KCNT1: variants seen among roughly 807,000 people sequenced by gnomAD.
The protein encoded by KCNT1 is potassium channel subfamily T member 1.
KCNT1 carries 78 observed loss-of-function variants against 147.8 expected under a neutral mutation model. The observed-to-expected ratio is 0.53, with a 90% CI of 0.44 to 0.64. The LOEUF is 0.64. Among genes scored for constraint, KCNT1 ranks in the 30% least tolerant of loss-of-function variants. The probability of loss-of-function intolerance (pLI) is 0.00; values close to 1 mark genes in which losing one functional copy is unlikely to be tolerated. For missense variants in KCNT1, 1,419 were observed against 1,750.3 expected (o/e 0.81, Z 3.38); for synonymous variants, 867 against 748.8 (o/e 1.16, Z -2.58).
At chr9:135,731,991 TAG>T (rs1189149987) in intron 2 of KCNT1, among the ~76,000 whole-genome samples, 217 of 21,490 alleles carry the variant, frequency 0.01, 1 homozygote, top group Middle Eastern at 0.031. Flanking sequence ...TATATATATA[TAG>T]AGAGAGAGAG....
chr9:135,779,239 AC>A (rs376408628), intron 23 of KCNT1, 119 bp from the exon 24 acceptor site: 23 of 338,616 alleles, frequency 6.8e-5, no homozygotes, highest in South Asian at 2.1e-4. Context: ...CTGCCCTGAG[AC>A]CCCCCCACAG....
intron 24 of KCNT1, among the ~76,000 whole-genome samples, chr9:135,780,322 T>C (rs1210191219): frequency 2.6e-5 from 4 of 152,174 alleles, no homozygotes; most frequent in Non-Finnish European, 5.9e-5. Flanking sequence ...GGCGAGCTGC[T>C]GGGACCTGCG....
At chr9:135,725,470 AG>A (rs1160165189) in intron 2 of KCNT1, among the ~76,000 whole-genome samples, 1 of 152,238 alleles carries the variant, frequency 6.6e-6, no homozygotes. Context: ...CGCTACCACG[AG>A]CCCAGGGCCA....
intron 24 of KCNT1, among the ~76,000 whole-genome samples, chr9:135,780,773 G>A (rs1217266239): frequency 6.6e-5 from 10 of 152,236 alleles, no homozygotes; most frequent in African/African-American, 1.2e-4. Flanking sequence ...CTGGAACCAC[G>A]GAAGGGGAGG....
intron 2 of KCNT1, among the ~76,000 whole-genome samples, chr9:135,748,215 C>T (rs1021595845): frequency 6.6e-6 from 1 of 152,016 alleles, no homozygotes; most frequent in East Asian, 1.9e-4. Flanking sequence ...ATTATGGGCA[C>T]GAGCCACTGT....
intron 2 of KCNT1, among the ~76,000 whole-genome samples, chr9:135,715,031 C>G (rs1835666329): frequency 6.6e-6 from 1 of 152,206 alleles, no homozygotes; most frequent in Admixed American, 6.5e-5. Flanking sequence ...CCCAGCACCC[C>G]AGTTTTTCTG....
At position 135,716,671 on chromosome 9, in the gene KCNT1, G is replaced by T. The variant is rs141654139; in HGVS notation, c.254+1951G>T. On this transcript the variant is annotated intron_variant, in intron 2 of 30. Coordinates refer to ENST00000371757, the MANE Select transcript of KCNT1 (RefSeq NM_020822.3). ...GGTCTTGGCGTGCTGTGCCCACTGG[G>T]CACATGGGTTGTGTGCCGATGGTAT... is the stretch of plus-strand genomic sequence containing the variant. 9.6e-3 allele frequency among the ~76,000 whole-genome samples: 1,465 copies of T among 152,310 alleles called. 8 individuals carry two copies. Among genetic ancestry groups the T allele is most frequent in the Middle Eastern group, 0.034 (10 of 294 alleles).
chr9:135,773,342 TG>T (rs1328626621), intron 19 of KCNT1, among the ~76,000 whole-genome samples: 1 of 152,188 alleles, frequency 6.6e-6, no homozygotes, highest in Non-Finnish European at 1.5e-5. Context: ...GGCCACTCTC[TG>T]AATCAGGATG....
chr9:135,727,824 G>A (rs1390687819), intron 2 of KCNT1, among the ~76,000 whole-genome samples: 1 of 152,222 alleles, frequency 6.6e-6, no homozygotes, highest in Non-Finnish European at 1.5e-5. Context: ...TCTCAGAGCA[G>A]CCGAAGGATG....
rs997450507 is a variant in KCNT1, at chr9:135,764,975, G to A, written c.1036-56G>A. 2.6e-5 allele frequency: 41 copies of A among 1,551,236 alleles called. No individual in the cohort carries two copies. The Admixed American group carries it at 3.3e-4, about 13-fold the overall frequency. ...TGTGTCAGGGCCCAGGTTCTTCACCGGGAGCCCTCGCTCCCCAGGCCTGGT... is the reference window on the plus strand; with the variant it reads ...TGTGTCAGGGCCCAGGTTCTTCACCAGGAGCCCTCGCTCCCCAGGCCTGGT... On this transcript the variant is annotated intron_variant, in intron 11 of 30. Transcript: ENST00000371757.
chr9:135,762,764 A>G (rs1831999139), intron 11 of KCNT1, among the ~76,000 whole-genome samples: 1 of 152,140 alleles, frequency 6.6e-6, no homozygotes, highest in Non-Finnish European at 1.5e-5. Context: ...CCATCTTAAA[A>G]CAAACAAGAC....
chr9:135,787,100 G>C (rs1016039922), intron 29 of KCNT1, among the ~76,000 whole-genome samples: 2 of 152,188 alleles, frequency 1.3e-5, no homozygotes, highest in Non-Finnish European at 2.9e-5. Context: ...GAGACTTTGG[G>C]GGAACAGTTG....
chr9:135,784,808 C>T lies in KCNT1; in HGVS notation c.3075C>T (p.Leu1025=). 1 of 1,612,878 alleles carries T rather than the reference C, an allele frequency of 6.2e-7. No individual in the cohort carries two copies. Among genetic ancestry groups the T allele is most frequent in the Non-Finnish European group, 8.5e-7 (1 of 1,179,996 alleles). The change falls in exon 27 of 31, where the codon CTC becomes CTT. Residue 1025 remains leucine, a synonymous_variant. Coordinates refer to ENST00000371757, the MANE Select transcript of KCNT1 (RefSeq NM_020822.3). ...GDLWIRTYGR[L]FQKLCSSSAE... The stretch of plus-strand genomic sequence containing the variant: ...TGTGGATCCGCACGTACGGCCGCCT[C>T]TTCCAGAAGCTCTGCTCCTCCAGCG...
At chr9:135,767,310 G>A (rs1054435076) in intron 13 of KCNT1, among the ~76,000 whole-genome samples, 1 of 152,214 alleles carries the variant, frequency 6.6e-6, no homozygotes, top group Admixed American at 6.5e-5. Context: ...CAGCCAGGCA[G>A]GGATGAGCCC....
At chr9:135,726,915 C>T (rs1398361675) in intron 2 of KCNT1, among the ~76,000 whole-genome samples, 9 of 117,684 alleles carry the variant, frequency 7.6e-5, no homozygotes, top group Admixed American at 1.7e-4. Context: ...TTCTCTCTCT[C>T]TCCCTCTCTC....
intron 15 of KCNT1, 29 bp downstream of exon 15, chr9:135,768,966 T>G: frequency 6.4e-7 from 1 of 1,556,754 alleles, no homozygotes; most frequent in Non-Finnish European, 8.8e-7. Flanking sequence ...TGGGTGATGG[T>G]GTATCTGGGG....
At chr9:135,778,400 C>G in intron 21 of KCNT1, 24 bp from the exon 22 acceptor site, 1 of 1,548,710 alleles carries the variant, frequency 6.5e-7, no homozygotes. Flanking sequence ...AGGGTGGGCC[C>G]CTCCAGGACC....
At chr9:135,718,860 C>T (rs1419500093) in intron 2 of KCNT1, among the ~76,000 whole-genome samples, 1 of 152,236 alleles carries the variant, frequency 6.6e-6, no homozygotes, top group Non-Finnish European at 1.5e-5. Context: ...CAGAGAAGAG[C>T]TCGGCGGGCC....
chr9:135,756,566 C>T (rs1441184369), intron 6 of KCNT1, among the ~76,000 whole-genome samples: 2 of 152,154 alleles, frequency 1.3e-5, no homozygotes, highest in Non-Finnish European at 1.5e-5. Flanking sequence ...ACCAGGGCAG[C>T]GGGATAGCCG....
Sources: gnomAD v4.1 joint callset for allele counts (sites outside exome capture counted in the v4.1 genomes callset) on GRCh38, gnomAD v4.1.1 for gene constraint, MANE v1.5 for transcripts, NCBI Gene and HGNC (gene_info 2026-07-23, HGNC 2026-07-21) for gene names.